BEST3: variants seen among roughly 807,000 people sequenced by gnomAD.
The protein encoded by BEST3 is bestrophin-3.
In BEST3, 50 loss-of-function variants were observed where a neutral mutation model predicts 47.1. The ratio of observed to expected loss-of-function variants is 1.06; its 90% CI spans 0.85 to 1.34. BEST3 has a LOEUF of 1.34. Among genes scored for constraint, BEST3 ranks in the 40% most tolerant of loss-of-function variants. BEST3 has a pLI of 0.00. For missense variants in BEST3, 765 were observed against 817.0 expected (o/e 0.94, Z 0.78); for synonymous variants, 282 against 298.8 (o/e 0.94, Z 0.58).
chr12:69,652,720 C>T (rs1026597898), downstream of BEST3, among the ~76,000 whole-genome samples: 1 of 152,118 alleles, frequency 6.6e-6, no homozygotes, highest in Non-Finnish European at 1.5e-5. Context: ...GGAATGAAAA[C>T]TGATTATGTT....
chr12:69,645,220 G>T (rs1343538989), intron 9 of BEST3, among the ~76,000 whole-genome samples: 5 of 152,208 alleles, frequency 3.3e-5, no homozygotes, highest in Non-Finnish European at 7.3e-5. Context: ...ACATCCGCTA[G>T]AGGATGGCTA....
At chr12:69,681,027 G>C (rs775482) in intron 4 of BEST3, among the ~76,000 whole-genome samples, 45,668 of 151,338 alleles carry the variant, frequency 0.3, 7,337 homozygotes, top group East Asian at 0.49. Context: ...TTATTTTTTT[G>C]CTACTAAAAA....
At chr12:69,672,998 G>C (rs1884676603) in intron 7 of BEST3, 33 bp from the exon 8 acceptor site, 1 of 1,520,782 alleles carries the variant, frequency 6.6e-7, no homozygotes, top group Admixed American at 1.8e-5. Flanking sequence ...AATCCATCAT[G>C]ATACCTGTGA....
chr12:69,674,892 C>CTTTTTTTT (rs35297025), intron 7 of BEST3, among the ~76,000 whole-genome samples: 1 of 109,430 alleles, frequency 9.1e-6, no homozygotes, highest in Non-Finnish European at 1.8e-5. Flanking sequence ...TTAGGTTTGC[C>CTTTTTTTT]TTTTTTTTTT....
rs1883439660 is a variant in BEST3 at position 69,655,706 on chromosome 12, T to C, written c.1208A>G (p.Glu403Gly). The change falls in exon 10 of 10, where the codon GAA (glutamate) becomes GGA (glycine). Residue 403 changes from glutamate to glycine, a missense_variant. Glu to Gly is a moderately conservative substitution (Grantham distance 98). Coordinates refer to ENST00000330891, the MANE Select transcript of BEST3 (RefSeq NM_032735.3). ...RRVKRFLSAH[E>G]HPSSPRRRSY... is the part of the protein sequence containing the mutation. Reference sequence around the variant, plus strand: ...TCTTCTTCTGGGGCTGGAGGGGTGTTCGTGGGCACTCAGGAACCGCTTGAC... The same window carrying C: ...TCTTCTTCTGGGGCTGGAGGGGTGTCCGTGGGCACTCAGGAACCGCTTGAC... The C allele has an allele frequency of 1.2e-6, 2 of 1,613,922 alleles. No individual in the cohort carries two copies. Among genetic ancestry groups the C allele is most frequent in the Middle Eastern group, 1.6e-4 (1 of 6,062 alleles).
At chr12:69,693,617 C>A in intron 4 of BEST3, 57 bp downstream of exon 4, 1 of 1,334,638 alleles carries the variant, frequency 7.5e-7, no homozygotes, top group South Asian at 1.2e-5. Context: ...CAAAGGAATT[C>A]TGGAGGTCCT....
rs1592383464 is a variant in BEST3, at chr12:69,698,735, A to G, written c.-16+470T>C. On this transcript the variant is annotated intron_variant, in intron 1 of 9. Transcript: ENST00000330891. ...CTACACCACACATTTTATCATAAACAAGAAAATTTTCTATCTTTACTCATT... is the reference window on the plus strand; with the variant it reads ...CTACACCACACATTTTATCATAAACGAGAAAATTTTCTATCTTTACTCATT... 2.6e-5 allele frequency among the ~76,000 whole-genome samples: 4 copies of G among 152,306 alleles called. No homozygotes were observed. In the East Asian group the frequency reaches 7.7e-4, roughly 29 times the overall value.
chr12:69,656,072 A>G (rs1465094066), intron 9 of BEST3, among the ~76,000 whole-genome samples: 1 of 152,200 alleles, frequency 6.6e-6, no homozygotes, highest in Admixed American at 6.5e-5. Flanking sequence ...TGTATTTAAA[A>G]TTATAACTGT....
chr12:69,652,829 G>C (rs1177934725), downstream of BEST3, among the ~76,000 whole-genome samples: 1 of 152,116 alleles, frequency 6.6e-6, no homozygotes, highest in East Asian at 1.9e-4. Flanking sequence ...CAAGAAAATA[G>C]CATTAAGAGC....
At position 69,671,705 on chromosome 12, in the gene BEST3, C is replaced by T. The variant is rs528899061; in HGVS notation, c.949-126G>A. The T allele has an allele frequency of 8.4e-6, 7 of 835,034 alleles. 1 individual carries two copies. The South Asian group carries it at 1.0e-4, about 12-fold the overall frequency. 51.7% of individuals were successfully genotyped at this position (835,034 alleles called of 1,614,324 possible). ...TCTAAATGAGTGAATATACAAATGT[C>T]TGTAGTTCATACTTGCCATGACCAC... On this transcript the variant is annotated intron_variant, in intron 8 of 9. Transcript: ENST00000330891.
At chr12:69,643,678 GAGTGTTGTACCTTTA>G in exon 10 of BEST3, 1 of 658,798 alleles carries the variant, frequency 1.5e-6, no homozygotes, top group East Asian at 2.9e-5. Context: ...TGAAAGATTC[GAGTGTTGTACCTTTA>G]ACCACCAGGA....
At chr12:69,644,124 G>T (rs1318862327) in intron 9 of BEST3, among the ~76,000 whole-genome samples, 1 of 152,182 alleles carries the variant, frequency 6.6e-6, no homozygotes, top group African/African-American at 2.4e-5. Context: ...TGTAGGGAAT[G>T]TATTTATAGA....
chr12:69,652,285 C>T (rs1883235595), downstream of BEST3, among the ~76,000 whole-genome samples: 1 of 152,134 alleles, frequency 6.6e-6, no homozygotes, highest in South Asian at 2.1e-4. Context: ...AAGATTAAGC[C>T]ACCAGGCCAT....
Position 69,653,619 on chromosome 12 carries a change from G to T in BEST3, c.*1288C>A. The stretch of plus-strand genomic sequence containing the variant: ...GCACTCAATAAATGGTAGTTTTGAG[G>T]GTTATTTTATTTCTAAAGCCATATG... On this transcript the variant is annotated 3_prime_UTR_variant, in exon 10 of 10. Transcript: ENST00000330891. 1 of 984,054 alleles carries T rather than the reference G, an allele frequency of 1.0e-6. No homozygotes were observed. 61.0% of individuals were successfully genotyped at this position (984,054 alleles called of 1,614,324 possible).
In BEST3 at chr12:69,678,712, T is replaced by A. The variant is rs1037659689; in HGVS notation, c.636+27A>T. 3 of 1,609,602 alleles carry A rather than the reference T, an allele frequency of 1.9e-6. No homozygotes were observed. In the African/African-American group the frequency reaches 4.0e-5, roughly 22 times the overall value. ...CCTTCTTGGTCTCTAATTAGCGTAT[T>A]TTTCTTATGATTTATGATATACTTA... On this transcript the variant is annotated intron_variant, in intron 5 of 9. Transcript: ENST00000330891.
At chr12:69,688,977 G>A (rs1885798100) in intron 4 of BEST3, 7 of 485,358 alleles carry the variant, frequency 1.4e-5, no homozygotes, top group African/African-American at 4.2e-5. Context: ...TTTTCTTACA[G>A]GTGATTTTAT....
chr12:69,661,506 G>A (rs575280160), intron 9 of BEST3: 3 of 152,254 alleles, frequency 2.0e-5, no homozygotes, highest in Admixed American at 1.3e-4. Context: ...GCAGAGACAT[G>A]TGTGGAGAAG....
chr12:69,694,543 C>A, intron 2 of BEST3, 79 bp from the exon 3 acceptor site: 1 of 599,676 alleles, frequency 1.7e-6, no homozygotes, highest in Non-Finnish European at 2.7e-6. Flanking sequence ...TAAGTGCAAA[C>A]AATTAAGCAC....
rs560475062 is a variant in BEST3, at chr12:69,664,286, A to C, written c.1100+7142T>G. Among the ~76,000 whole-genome samples the C allele has an allele frequency of 3.3e-5, 5 of 152,334 alleles. No homozygotes were observed. The South Asian group carries it at 6.2e-4, about 19-fold the overall frequency. ...GACAGAGAAAGATGAGCTCTGTTAA[A>C]GCTTCCTTTAGATTAAGACACGATG... On this transcript the variant is annotated intron_variant, in intron 9 of 9. Transcript: ENST00000330891.
Sources: allele counts gnomAD v4.1 joint callset (sites outside exome capture counted in the v4.1 genomes callset), GRCh38; gene constraint gnomAD v4.1.1; transcripts MANE v1.5; gene names NCBI Gene and HGNC (gene_info 2026-07-23, HGNC 2026-07-21).